Variants in SHANK2 observed in about 807,000 individuals in gnomAD.
SHANK2 encodes the protein SH3 and multiple ankyrin repeat domains protein 2.
A neutral mutation model predicts 133.7 loss-of-function variants in SHANK2; 43 were observed. That is an observed-to-expected ratio of 0.32 (90% CI 0.25 to 0.41). The LOEUF (loss-of-function observed/expected upper bound fraction) is 0.41, where lower values mean the gene tolerates loss of function less well. Among genes scored for constraint, SHANK2 ranks in the 10% least tolerant of loss-of-function variants. SHANK2 has a pLI of 1.00. For missense variants in SHANK2, 1,994 were observed against 2,235.8 expected (o/e 0.89, Z 2.18); for synonymous variants, 1,017 against 952.8 (o/e 1.07, Z -1.24).
intron 14 of SHANK2, among the ~76,000 whole-genome samples, chr11:70,720,350 G>A (rs1040702154): frequency 5.3e-5 from 8 of 152,218 alleles, no homozygotes; most frequent in Admixed American, 4.6e-4. Context: ...GAATGAGCCT[G>A]GGGTCTGGTG....
chr11:71,132,987 G>T (rs1472531929), intron 3 of SHANK2, among the ~76,000 whole-genome samples: 2 of 152,178 alleles, frequency 1.3e-5, no homozygotes, highest in Non-Finnish European at 2.9e-5. Flanking sequence ...ACCAGTTAAT[G>T]AAACCACAAT....
rs143053096 is a variant in SHANK2, at chr11:71,230,437, C to T, written c.-112-5641G>A. Among the ~76,000 whole-genome samples the T allele has an allele frequency of 9.9e-5, 15 of 152,042 alleles. No homozygotes were observed. In the East Asian group the frequency reaches 2.1e-3, roughly 22 times the overall value. On this transcript the variant is annotated intron_variant, in intron 1 of 25. Transcript: ENST00000601538. ...ACAAAAAATTATCTGGGTGTGGTGG[C>T]GGGCACCTGTAGTACTAGCTACTCG...
At chr11:71,170,888 G>A (rs1053505297) in intron 2 of SHANK2, among the ~76,000 whole-genome samples, 1 of 152,214 alleles carries the variant, frequency 6.6e-6, no homozygotes, top group Non-Finnish European at 1.5e-5. Flanking sequence ...TCCTGATGTC[G>A]CTGGCAGGGG....
chr11:71,068,421 AG>A (rs1330749911), intron 9 of SHANK2, among the ~76,000 whole-genome samples: 32 of 152,350 alleles, frequency 2.1e-4, no homozygotes, highest in Admixed American at 3.3e-4. Context: ...CTGAATATCT[AG>A]GGAAGGCAAA....
intron 11 of SHANK2, among the ~76,000 whole-genome samples, chr11:70,867,806 G>A (rs998232338): frequency 4.6e-5 from 7 of 152,156 alleles, no homozygotes; most frequent in South Asian, 2.1e-4. Flanking sequence ...GCATTTCAGC[G>A]TTCAGCACAC....
At chr11:70,565,199 T>A (rs1372590520) in intron 17 of SHANK2, among the ~76,000 whole-genome samples, 1 of 148,734 alleles carries the variant, frequency 6.7e-6, no homozygotes, top group Non-Finnish European at 1.5e-5. Context: ...TGTAGTTAAG[T>A]CACCTGGAAG....
At chr11:71,208,557 T>C (rs1555118376) in intron 2 of SHANK2, among the ~76,000 whole-genome samples, 1 of 148,546 alleles carries the variant, frequency 6.7e-6, no homozygotes, top group African/African-American at 2.5e-5. Context: ...GCTGTGGACA[T>C]TACAGGTGGG....
intron 17 of SHANK2, among the ~76,000 whole-genome samples, chr11:70,538,160 C>T (rs2059568661): frequency 6.6e-6 from 1 of 152,226 alleles, no homozygotes; most frequent in Non-Finnish European, 1.5e-5. Flanking sequence ...AGCCTGAGGC[C>T]TGGGTAAGGC....
intron 15 of SHANK2, among the ~76,000 whole-genome samples, chr11:70,679,703 C>T (rs1014025238): frequency 1.3e-5 from 2 of 152,238 alleles, no homozygotes; most frequent in Non-Finnish European, 2.9e-5. Flanking sequence ...GGGCCTGGAA[C>T]GGTGTCTGGC....
At chr11:70,683,568 C>T (rs375207857) in intron 15 of SHANK2, among the ~76,000 whole-genome samples, 9 of 152,312 alleles carry the variant, frequency 5.9e-5, no homozygotes, top group East Asian at 1.9e-4. Flanking sequence ...TCTCTCACAG[C>T]GCTGGAGGCC....
intron 2 of SHANK2, among the ~76,000 whole-genome samples, chr11:71,163,616 C>T (rs1453418780): frequency 6.6e-6 from 1 of 152,168 alleles, no homozygotes; most frequent in East Asian, 1.9e-4. Context: ...AAGATAAGCT[C>T]CTGGTCCATC....
chr11:70,659,804 A>G, intron 17 of SHANK2, 24 bp downstream of exon 17: 4 of 1,614,010 alleles, frequency 2.5e-6, no homozygotes, highest in African/African-American at 1.3e-5. Context: ...CCAAGCAGAA[A>G]GATACAGACA....
chr11:71,219,775 G>A (rs978314587), intron 2 of SHANK2, among the ~76,000 whole-genome samples: 8 of 152,068 alleles, frequency 5.3e-5, no homozygotes, highest in Non-Finnish European at 1.0e-4. Context: ...GTGGGTGCCT[G>A]TAATCTCAGC....
chr11:70,616,746 G>T (rs1367682529), intron 17 of SHANK2, among the ~76,000 whole-genome samples: 1 of 152,220 alleles, frequency 6.6e-6, no homozygotes, highest in East Asian at 1.9e-4. Context: ...GTACTTCCAG[G>T]CTGGGGTGGC....
intron 21 of SHANK2, among the ~76,000 whole-genome samples, chr11:70,495,280 C>T (rs962502122): frequency 7.9e-5 from 12 of 152,222 alleles, no homozygotes; most frequent in African/African-American, 2.9e-4. Flanking sequence ...TCCAAGGAGC[C>T]TTTCCCCTCC....
intron 2 of SHANK2, among the ~76,000 whole-genome samples, chr11:71,180,994 C>CA (rs1555113681): frequency 6.6e-6 from 1 of 151,714 alleles, no homozygotes; most frequent in East Asian, 2.0e-4. Flanking sequence ...AAATCACACA[C>CA]AAAAAACAGC....
chr11:70,801,014 G>A (rs548468232), intron 13 of SHANK2, among the ~76,000 whole-genome samples: 2 of 152,114 alleles, frequency 1.3e-5, no homozygotes, highest in Admixed American at 6.6e-5. Flanking sequence ...GGGAAAACTC[G>A]GTCTCTCTGT....
intron 25 of SHANK2, among the ~76,000 whole-genome samples, chr11:70,481,964 A>AC (rs35524147): frequency 5.3e-5 from 8 of 151,970 alleles, no homozygotes; most frequent in African/African-American, 9.7e-5. Flanking sequence ...TCCGTCCTGG[A>AC]CCCCCCCCCA....
chr11:70,711,345 C>T (rs1271523532), intron 14 of SHANK2, among the ~76,000 whole-genome samples: 6 of 152,262 alleles, frequency 3.9e-5, no homozygotes, highest in Non-Finnish European at 8.8e-5. Context: ...TCCCACGCAG[C>T]CTCCTGCCGT....
Sources: gnomAD v4.1 joint callset for allele counts (sites outside exome capture counted in the v4.1 genomes callset) on GRCh38, gnomAD v4.1.1 for gene constraint, MANE v1.5 for transcripts, NCBI Gene and HGNC (gene_info 2026-07-23, HGNC 2026-07-21) for gene names.